ANKFN1: variants seen among roughly 807,000 people sequenced by gnomAD.
ANKFN1 encodes the protein ankyrin repeat and fibronectin type-III domain-containing protein 1.
Under a neutral mutation model 108.7 loss-of-function variants are expected in ANKFN1, and 74 were observed. The ratio of observed to expected loss-of-function variants is 0.68; its 90% CI spans 0.56 to 0.83. ANKFN1 has a LOEUF of 0.83. Ranked by LOEUF, ANKFN1 falls within the 40% of genes least tolerant of loss-of-function variation. The probability of loss-of-function intolerance (pLI) is 0.00; values close to 1 mark genes in which losing one functional copy is unlikely to be tolerated. For missense variants in ANKFN1, 1,505 were observed against 1,382.3 expected, an observed-to-expected ratio of 1.09 and a Z score of -1.41; for synonymous variants, 547 against 516.2, an observed-to-expected ratio of 1.06 and a Z score of -0.81.
chr17:56,056,852 T>A (rs1383722961), intron 4 of ANKFN1, among the ~76,000 whole-genome samples: 2 of 152,222 alleles, frequency 1.3e-5, no homozygotes, highest in Non-Finnish European at 2.9e-5. Context: ...CAGTGAAGTT[T>A]GCTGCATTGT....
chr17:56,456,907 A>C lies in ANKFN1; in HGVS notation c.1254A>C (p.Arg418Ser). The C allele has an allele frequency of 6.2e-7, 1 of 1,614,170 alleles. No homozygotes were observed. The highest frequency in any genetic ancestry group is 8.5e-7 in the Non-Finnish European group (1 of 1,180,016). The stretch of plus-strand genomic sequence containing the variant: ...CAGGCCGCAAGCAGTCAGTCTCAAG[A>C]AGCCTGAAACACCTGTTCCATTCCT... ...QTTGRKQSVS[R>S]SLKHLFHSSN... is the part of the protein sequence containing the mutation. Residue 418 changes from arginine to serine, a missense_variant, in exon 12 of 21, where the codon AGA becomes AGC. Coordinates refer to ENST00000682825, the MANE Select transcript of ANKFN1 (RefSeq NM_001370326.1).
chr17:56,205,050 A>G (rs1914413873), intron 1 of ANKFN1, among the ~76,000 whole-genome samples: 1 of 152,152 alleles, frequency 6.6e-6, no homozygotes, highest in African/African-American at 2.4e-5. Context: ...CAACTCCAGC[A>G]TGGGCGACAG....
intron 3 of ANKFN1, among the ~76,000 whole-genome samples, chr17:56,281,583 G>A (rs540115664): frequency 6.6e-6 from 1 of 152,200 alleles, no homozygotes; most frequent in South Asian, 2.1e-4. Flanking sequence ...GCCACAGGCT[G>A]GAAAAATATA....
intron 3 of ANKFN1, among the ~76,000 whole-genome samples, chr17:56,234,061 A>T (rs1177553863): frequency 6.6e-6 from 1 of 152,154 alleles, no homozygotes; most frequent in Non-Finnish European, 1.5e-5. Flanking sequence ...TAACATTCTC[A>T]TCACTTTCTT....
intron 4 of ANKFN1, among the ~76,000 whole-genome samples, chr17:56,135,843 TAGAA>T (rs1907570867): frequency 1.3e-5 from 2 of 152,074 alleles, no homozygotes; most frequent in African/African-American, 4.8e-5. Context: ...ATGAACATAA[TAGAA>T]AGTAAAAAAC....
intron 4 of ANKFN1, among the ~76,000 whole-genome samples, chr17:56,128,843 G>A (rs1201477258): frequency 2.0e-5 from 3 of 152,136 alleles, no homozygotes; most frequent in Non-Finnish European, 4.4e-5. Context: ...TGCTTAGAAG[G>A]GATAACCTCA....
intron 4 of ANKFN1, among the ~76,000 whole-genome samples, chr17:56,076,546 T>A (rs1905183706): frequency 6.6e-6 from 1 of 152,202 alleles, no homozygotes; most frequent in African/African-American, 2.4e-5. Context: ...ATGATTAATA[T>A]TACCATCTCT....
At chr17:56,180,246 A>G (rs1911561846) in intron 1 of ANKFN1, among the ~76,000 whole-genome samples, 1 of 152,152 alleles carries the variant, frequency 6.6e-6, no homozygotes, top group South Asian at 2.1e-4. Context: ...TCTCTGAGCT[A>G]CAAGTAGAAT....
At chr17:56,438,266 G>C (rs1357672525) in intron 8 of ANKFN1, among the ~76,000 whole-genome samples, 1 of 152,098 alleles carries the variant, frequency 6.6e-6, no homozygotes, top group Non-Finnish European at 1.5e-5. Context: ...GACTTTGCTA[G>C]GTCCTAAATG....
intron 4 of ANKFN1, among the ~76,000 whole-genome samples, chr17:56,058,848 G>T (rs987530628): frequency 2.0e-5 from 3 of 152,266 alleles, no homozygotes; most frequent in Admixed American, 1.3e-4. Flanking sequence ...TGGGCATTTG[G>T]GTTGGTTCCA....
chr17:56,454,886 G>A (rs924236576), intron 11 of ANKFN1, among the ~76,000 whole-genome samples: 12 of 152,124 alleles, frequency 7.9e-5, no homozygotes, highest in Admixed American at 3.3e-4. Flanking sequence ...GTTGTTTTGG[G>A]TGTTCGTTTG....
chr17:56,259,461 G>T (rs926244738), intron 3 of ANKFN1, among the ~76,000 whole-genome samples: 1 of 152,132 alleles, frequency 6.6e-6, no homozygotes, highest in Non-Finnish European at 1.5e-5. Context: ...GAAACTCCCT[G>T]ACTTCAGGAG....
intron 6 of ANKFN1, among the ~76,000 whole-genome samples, chr17:56,364,184 T>C (rs534856348): frequency 2.2e-4 from 34 of 152,236 alleles, no homozygotes; most frequent in Non-Finnish European, 4.4e-4. Flanking sequence ...TAATATTACT[T>C]TGTATCCCAT....
chr17:56,331,616 G>T (rs1216811159), intron 4 of ANKFN1, among the ~76,000 whole-genome samples: 2 of 152,130 alleles, frequency 1.3e-5, no homozygotes, highest in Admixed American at 6.5e-5. Flanking sequence ...CAGAGTTGTT[G>T]TAAGTATGGA....
chr17:56,494,972 T>C (rs1407055588), intron 19 of ANKFN1, among the ~76,000 whole-genome samples: 1 of 152,146 alleles, frequency 6.6e-6, no homozygotes, highest in Admixed American at 6.6e-5. Context: ...AGCCTAGGGC[T>C]CCACTGCCTT....
intron 3 of ANKFN1, among the ~76,000 whole-genome samples, chr17:56,322,476 C>T (rs1389038933): frequency 6.6e-6 from 1 of 152,208 alleles, no homozygotes; most frequent in Non-Finnish European, 1.5e-5. Context: ...CTCACTGTCA[C>T]CTATGGCATA....
chr17:56,387,485 T>A (rs1274546212), intron 8 of ANKFN1, among the ~76,000 whole-genome samples: 4 of 152,234 alleles, frequency 2.6e-5, no homozygotes, highest in African/African-American at 7.2e-5. Context: ...TAATGTCTAA[T>A]TTTATTATGC....
At chr17:56,411,993 G>A (rs912502428) in intron 8 of ANKFN1, among the ~76,000 whole-genome samples, 8 of 152,052 alleles carry the variant, frequency 5.3e-5, no homozygotes, top group Non-Finnish European at 4.4e-5. Context: ...GGTAATGCTG[G>A]CCTCATAAAA....
chr17:56,359,757 G>T lies in ANKFN1; in HGVS notation c.601+5711G>T, dbSNP rs2046466667. 2.0e-5 allele frequency among the ~76,000 whole-genome samples: 3 copies of T among 152,128 alleles called. No homozygotes were observed. In the South Asian group the frequency reaches 6.2e-4, roughly 32 times the overall value. On this transcript the variant is annotated intron_variant, in intron 6 of 20. Transcript: ENST00000682825. ...TGGTCAGGGCATGTCTAAGAGGTGT[G>T]ACTATAAACTAATGAGGCTGGTTTT...
Sources: allele counts gnomAD v4.1 joint callset (sites outside exome capture counted in the v4.1 genomes callset), GRCh38; gene constraint gnomAD v4.1.1; transcripts MANE v1.5; gene names NCBI Gene and HGNC (gene_info 2026-07-23, HGNC 2026-07-21).